Variants in NRXN1 observed in about 807,000 individuals in gnomAD.
NRXN1 encodes the protein neurexin-1.
NRXN1 carries 39 observed loss-of-function variants against 150.9 expected under a neutral mutation model. The observed-to-expected ratio is 0.26, with a 90% CI of 0.20 to 0.34. The LOEUF (loss-of-function observed/expected upper bound fraction) is 0.34. Ranked by LOEUF, NRXN1 falls within the 10% of genes least tolerant of loss-of-function variation. The probability of loss-of-function intolerance (pLI) is 1.00; values close to 1 mark genes in which losing one functional copy is unlikely to be tolerated. For missense variants in NRXN1, 1,815 were observed against 1,949.9 expected, an observed-to-expected ratio of 0.93 and a Z score of 1.30; for synonymous variants, 924 against 757.0, an observed-to-expected ratio of 1.22 and a Z score of -3.62.
intron 18 of NRXN1, among the ~76,000 whole-genome samples, chr2:50,202,929 G>A (rs190554110): frequency 1.3e-5 from 2 of 152,128 alleles, no homozygotes; most frequent in East Asian, 3.9e-4. Flanking sequence ...ACTGGAAAAA[G>A]TAAACAGTGA....
At chr2:50,116,084 A>G (rs1201162100) in intron 18 of NRXN1, among the ~76,000 whole-genome samples, 5 of 152,242 alleles carry the variant, frequency 3.3e-5, no homozygotes, top group African/African-American at 1.2e-4. Context: ...TGACTAACAA[A>G]TTTTAATACA....
chr2:50,560,012 T>A (rs1217667130), intron 8 of NRXN1, among the ~76,000 whole-genome samples: 1 of 152,152 alleles, frequency 6.6e-6, no homozygotes, highest in Non-Finnish European at 1.5e-5. Context: ...AAGGAGAAAA[T>A]TAGACATTTC....
intron 18 of NRXN1, among the ~76,000 whole-genome samples, chr2:50,193,091 C>T (rs2061548271): frequency 6.6e-6 from 1 of 152,074 alleles, no homozygotes; most frequent in Non-Finnish European, 1.5e-5. Flanking sequence ...AATATTCTTG[C>T]ACAATAGTAT....
At chr2:50,920,937 T>C (rs991725832) in intron 5 of NRXN1, among the ~76,000 whole-genome samples, 1 of 151,694 alleles carries the variant, frequency 6.6e-6, no homozygotes, top group African/African-American at 2.4e-5. Flanking sequence ...GCAGAAAAGT[T>C]TTCCTGCTAG....
intron 18 of NRXN1, among the ~76,000 whole-genome samples, chr2:50,149,389 T>C (rs955747895): frequency 6.6e-6 from 1 of 151,714 alleles, no homozygotes; most frequent in African/African-American, 2.4e-5. Flanking sequence ...CCACTACTGA[T>C]AAATAACTCA....
At chr2:50,083,622 G>T (rs113598644) in intron 19 of NRXN1, among the ~76,000 whole-genome samples, 3,113 of 152,206 alleles carry the variant, frequency 0.02, 89 homozygotes, top group African/African-American at 0.071. Context: ...GGCTGGCTCG[G>T]GCAGCCTGCT....
chr2:50,446,471 C>G (rs1300348469), intron 17 of NRXN1, among the ~76,000 whole-genome samples: 3 of 137,378 alleles, frequency 2.2e-5, no homozygotes, highest in Non-Finnish European at 4.7e-5. Context: ...GTTCCTCCCT[C>G]CCTTCCTGCC....
At chr2:50,010,256 T>TA (rs1685439098) in intron 21 of NRXN1, among the ~76,000 whole-genome samples, 4 of 152,254 alleles carry the variant, frequency 2.6e-5, no homozygotes, top group South Asian at 4.1e-4. Context: ...GCTCTGTACT[T>TA]ACTGAGATTA....
intron 5 of NRXN1, among the ~76,000 whole-genome samples, chr2:50,779,882 C>T (rs1419252818): frequency 6.6e-6 from 1 of 152,158 alleles, no homozygotes; most frequent in African/African-American, 2.4e-5. Flanking sequence ...GGTATATACC[C>T]AGTAATGGGA....
chr2:50,870,458 T>C (rs1051573116), intron 5 of NRXN1, among the ~76,000 whole-genome samples: 2 of 151,924 alleles, frequency 1.3e-5, no homozygotes, highest in African/African-American at 4.8e-5. Flanking sequence ...CCAACACACA[T>C]GGCAGTCAGG....
At chr2:50,126,276 C>T (rs765596087) in intron 18 of NRXN1, among the ~76,000 whole-genome samples, 1 of 152,062 alleles carries the variant, frequency 6.6e-6, no homozygotes, top group Admixed American at 6.6e-5. Context: ...AACACCTTTC[C>T]TATCTTTTTT....
intron 5 of NRXN1, among the ~76,000 whole-genome samples, chr2:50,841,318 T>C (rs1289557236): frequency 6.6e-6 from 1 of 152,300 alleles, no homozygotes; most frequent in African/African-American, 2.4e-5. Context: ...TTTCCAGCCA[T>C]ACCTGGATTT....
Position 50,552,995 on chromosome 2 carries a change from C to G in NRXN1, c.1351G>C (p.Glu451Gln), listed in dbSNP as rs74330234. Residue 451 changes from glutamate to glutamine, a missense_variant, in exon 9 of 23, where the codon GAA becomes CAA. This residue lies in a region of NRXN1 where 638 missense variants were observed against 652.6 expected (regional missense o/e 0.98). Transcript: ENST00000401669. ...CCTTGCTTGGCAAGTCGAGATAATT[C>G]CAGCCTCACATCATTATTTTTATAT... Reference protein sequence around the residue: ...VVYKNNDVRLELSRLAKQGDP... With the variant: ...VVYKNNDVRLQLSRLAKQGDP... The G allele has an allele frequency of 4.3e-6, 7 of 1,611,812 alleles. No individual in the cohort carries two copies. Among genetic ancestry groups the G allele is most frequent in the Non-Finnish European group, 5.9e-6 (7 of 1,178,712 alleles).
At chr2:50,470,675 T>C (rs2089372113) in intron 16 of NRXN1, among the ~76,000 whole-genome samples, 2 of 151,708 alleles carry the variant, frequency 1.3e-5, no homozygotes, top group East Asian at 1.9e-4. Flanking sequence ...TCCTCATAAA[T>C]CTAAAATTTT....
intron 19 of NRXN1, among the ~76,000 whole-genome samples, chr2:50,088,892 A>AT: frequency 6.6e-6 from 1 of 152,210 alleles, no homozygotes; most frequent in South Asian, 2.1e-4. Flanking sequence ...GTATGTGCAC[A>AT]GTCAAATAAA....
chr2:50,023,356 C>T (rs1000556738), intron 21 of NRXN1: 1 of 152,048 alleles, frequency 6.6e-6, no homozygotes, highest in African/African-American at 2.4e-5. Context: ...TATAAAGAAA[C>T]ACTGATAAGA....
chr2:50,953,710 C>G (rs1168221323), intron 2 of NRXN1, among the ~76,000 whole-genome samples: 1 of 151,844 alleles, frequency 6.6e-6, no homozygotes, highest in African/African-American at 2.4e-5. Flanking sequence ...TATAAGTACC[C>G]GCCACCATGC....
intron 17 of NRXN1, among the ~76,000 whole-genome samples, chr2:50,325,255 G>C (rs1323797319): frequency 2.6e-5 from 4 of 152,218 alleles, no homozygotes; most frequent in African/African-American, 9.6e-5. Context: ...ACTAAGTAAA[G>C]ATGTAGACTG....
chr2:50,494,051 G>C (rs2091420082), intron 15 of NRXN1, among the ~76,000 whole-genome samples: 3 of 152,096 alleles, frequency 2.0e-5, no homozygotes, highest in Admixed American at 1.3e-4. Context: ...AAGAATCCTA[G>C]TCTACAATCT....
Sources: allele counts gnomAD v4.1 joint callset (sites outside exome capture counted in the v4.1 genomes callset), GRCh38; gene constraint gnomAD v4.1.1; regional missense constraint gnomAD v4.1.1; transcripts MANE v1.5; gene names NCBI Gene and HGNC (gene_info 2026-07-23, HGNC 2026-07-21).